KIZ: variants seen among roughly 807,000 people sequenced by gnomAD.
KIZ encodes centrosomal protein kizuna.
In KIZ, 68 loss-of-function variants were observed where a neutral mutation model predicts 79.6. The observed-to-expected ratio is 0.85, with a 90% CI of 0.70 to 1.05. KIZ has a LOEUF of 1.05. KIZ is among the 50% of genes least tolerant of loss of function. KIZ has a pLI of 0.00. For synonymous variants in KIZ, 280 were observed against 281.8 expected, an observed-to-expected ratio of 0.99 and a Z score of 0.06; for missense variants, 797 against 800.4, an observed-to-expected ratio of 1.00 and a Z score of 0.05.
intron 11 of KIZ, among the ~76,000 whole-genome samples, chr20:21,238,911 G>A (rs977512060): frequency 6.6e-6 from 1 of 152,128 alleles, no homozygotes; most frequent in Non-Finnish European, 1.5e-5. Flanking sequence ...GAAACTTCAC[G>A]CATCTCAGGC....
At chr20:21,209,513 G>A (rs945832816) in intron 7 of KIZ, among the ~76,000 whole-genome samples, 1 of 152,042 alleles carries the variant, frequency 6.6e-6, no homozygotes, top group African/African-American at 2.4e-5. Flanking sequence ...CCCAAATGCT[G>A]GACTGTTTTC....
chr20:21,173,098 T>G (rs2034284239), intron 6 of KIZ, among the ~76,000 whole-genome samples: 1 of 152,156 alleles, frequency 6.6e-6, no homozygotes, highest in Non-Finnish European at 1.5e-5. Flanking sequence ...GGGTTGAACT[T>G]CAATTGAAAT....
chr20:21,204,366 C>T (rs1028555866), intron 6 of KIZ, among the ~76,000 whole-genome samples: 22 of 151,940 alleles, frequency 1.4e-4, no homozygotes, highest in Non-Finnish European at 2.2e-4. Flanking sequence ...CCGCCCGCCT[C>T]GGCCTCCCAA....
At chr20:21,215,410 C>T (rs16982593) in intron 8 of KIZ, among the ~76,000 whole-genome samples, 173 bp from the exon 9 acceptor site, 2,212 of 151,306 alleles carry the variant, frequency 0.015, 48 homozygotes, top group African/African-American at 0.05. Context: ...AAATTTTTGT[C>T]TATGAGATAC....
At chr20:21,237,687 C>T (rs947963030) in intron 11 of KIZ, among the ~76,000 whole-genome samples, 2 of 152,176 alleles carry the variant, frequency 1.3e-5, no homozygotes, top group Non-Finnish European at 1.5e-5. Context: ...AAGGCTTAAC[C>T]TTCTGAACGT....
At chr20:21,234,253 T>C (rs912957588) in intron 11 of KIZ, among the ~76,000 whole-genome samples, 1 of 152,054 alleles carries the variant, frequency 6.6e-6, no homozygotes, top group African/African-American at 2.4e-5. Flanking sequence ...TTTTCCTCCT[T>C]CAAATTGAGA....
intron 6 of KIZ, among the ~76,000 whole-genome samples, chr20:21,184,491 C>T: frequency 6.6e-6 from 1 of 152,162 alleles, no homozygotes; most frequent in South Asian, 2.1e-4. Context: ...TTTCATTCTT[C>T]CTTCTTTAGT....
chr20:21,170,035 G>C (rs1458856718), intron 6 of KIZ, among the ~76,000 whole-genome samples: 1 of 152,118 alleles, frequency 6.6e-6, no homozygotes, highest in Admixed American at 6.5e-5. Flanking sequence ...AAATATCTCT[G>C]TGCAGGTTTT....
intron 6 of KIZ, among the ~76,000 whole-genome samples, chr20:21,203,989 T>A (rs903084374): frequency 3.3e-5 from 5 of 151,910 alleles, no homozygotes; most frequent in Non-Finnish European, 7.4e-5. Context: ...ATTCAACTTC[T>A]ATCTTTATGA....
intron 2 of KIZ, among the ~76,000 whole-genome samples, chr20:21,135,763 G>A (rs371989568): frequency 6.6e-6 from 1 of 152,236 alleles, no homozygotes; most frequent in East Asian, 1.9e-4. Flanking sequence ...CAGAAAAATT[G>A]GAATGCAGAA....
chr20:21,160,935 C>A (rs1011782333), intron 4 of KIZ: 1 of 153,906 alleles, frequency 6.5e-6, no homozygotes, highest in Non-Finnish European at 1.4e-5. Context: ...TCTTGGACTT[C>A]CCAGCCTCCA....
intron 6 of KIZ, chr20:21,196,508 G>A (rs2035350346): frequency 6.6e-6 from 1 of 152,236 alleles, no homozygotes; most frequent in Non-Finnish European, 1.5e-5. Flanking sequence ...ACCTCTTAAG[G>A]GCAGCTGTTA....
chr20:21,125,984 G>A, upstream of KIZ: 1 of 1,284,242 alleles, frequency 7.8e-7, no homozygotes, highest in Non-Finnish European at 9.9e-7. Flanking sequence ...CGCCCCCACG[G>A]CGTCTTGCCC....
At chr20:21,217,090 G>A (rs374063632) in intron 9 of KIZ, among the ~76,000 whole-genome samples, 112 of 152,158 alleles carry the variant, frequency 7.4e-4, no homozygotes, top group Middle Eastern at 3.4e-3. Flanking sequence ...TCAATAGTTG[G>A]CAGTTAAAAA....
intron 6 of KIZ, among the ~76,000 whole-genome samples, chr20:21,186,582 C>T (rs2034884456): frequency 6.7e-6 from 1 of 148,838 alleles, no homozygotes; most frequent in African/African-American, 2.5e-5. Context: ...AGTAGGCAAA[C>T]TAGATAGCAG....
Position 21,161,884 on chromosome 20 carries a change from AG to A in KIZ, c.423del (p.Ile142LeufsTer27). 1.2e-6 allele frequency: 2 copies of A among 1,611,776 alleles called. No homozygotes were observed. The highest frequency in any genetic ancestry group is 1.7e-6 in the Non-Finnish European group (2 of 1,178,198). On this transcript the variant is annotated frameshift_variant, in exon 5 of 13. Transcript: ENST00000619189. LOFTEE classifies it high-confidence loss of function. ...DEDREKVAVH[E>X]GINSGTAMSR... Reference sequence around the variant, plus strand: ...TTGGTGTTGCAGGTTGCAGTGCACGAGGGGATTAACTCAGGAACAGCCATGT... The same window carrying A: ...TTGGTGTTGCAGGTTGCAGTGCACGAGGGATTAACTCAGGAACAGCCATGT...
chr20:21,141,951 C>T (rs906432282), intron 3 of KIZ, among the ~76,000 whole-genome samples: 3 of 151,494 alleles, frequency 2.0e-5, no homozygotes, highest in East Asian at 3.9e-4. Context: ...CCATTTCTCC[C>T]TCTTATCTCT....
rs192558711 is a variant in KIZ at position 21,144,621 on chromosome 20, A to G, written c.316-944A>G. Among the ~76,000 whole-genome samples the G allele has an allele frequency of 1.9e-4, 23 of 121,880 alleles. No individual in the cohort carries two copies. The East Asian group carries it at 5.3e-3, about 28-fold the overall frequency. The allele number at this position is 121,880 out of a possible 152,430, so 80.0% of individuals were successfully genotyped here. Reference sequence around the variant, plus strand: ...AAATCCATACCTAACTGTTACTAAAAATGAGACAGCATATATTACCTTTCA... The same window carrying G: ...AAATCCATACCTAACTGTTACTAAAGATGAGACAGCATATATTACCTTTCA... On this transcript the variant is annotated intron_variant, in intron 3 of 12. Transcript: ENST00000619189.
rs1600364269 is a variant in KIZ at position 21,139,377 on chromosome 20, A to G, written c.315+2825A>G. ...TGGAGAGGGGTATTTAGAAACCAAG[A>G]TATATGGTTAAATGTGTTCAAGCAA... On this transcript the variant is annotated intron_variant, in intron 3 of 12. Coordinates refer to ENST00000619189, the MANE Select transcript of KIZ (RefSeq NM_018474.6). 2.0e-5 allele frequency among the ~76,000 whole-genome samples: 3 copies of G among 152,126 alleles called. No individual in the cohort carries two copies. The South Asian group carries it at 6.2e-4, about 32-fold the overall frequency.
Sources: gnomAD v4.1 joint callset for allele counts (sites outside exome capture counted in the v4.1 genomes callset) on GRCh38, gnomAD v4.1.1 for gene constraint, MANE v1.5 for transcripts, NCBI Gene and HGNC (gene_info 2026-07-23, HGNC 2026-07-21) for gene names.